The following PTPN4 variants were observed in gnomAD, a reference collection of about 807,000 sequenced individuals.
The protein encoded by PTPN4 is tyrosine-protein phosphatase non-receptor type 4.
A neutral mutation model predicts 135.5 loss-of-function variants in PTPN4; 49 were observed. That is an observed-to-expected ratio of 0.36 (90% confidence interval 0.29 to 0.46). PTPN4 has a LOEUF of 0.46. Ranked by LOEUF, PTPN4 falls within the 20% of genes least tolerant of loss-of-function variation. PTPN4 has a pLI of 1.00. For missense variants in PTPN4, 860 were observed against 1,101.0 expected, an observed-to-expected ratio of 0.78 and a Z score of 3.10; for synonymous variants, 333 against 369.9, an observed-to-expected ratio of 0.90 and a Z score of 1.14.
At chr2:119,883,596 T>G (rs1678112250) in intron 8 of PTPN4, among the ~76,000 whole-genome samples, 2 of 152,188 alleles carry the variant, frequency 1.3e-5, no homozygotes, top group Admixed American at 1.3e-4. Flanking sequence ...AAGGCAGTGT[T>G]GCGTATTGGC....
chr2:119,825,495 CTT>C (rs891070534), intron 2 of PTPN4, among the ~76,000 whole-genome samples: 22 of 129,236 alleles, frequency 1.7e-4, no homozygotes, highest in Admixed American at 3.1e-4. Context: ...GAACCCAAGC[CTT>C]TTTTTTTTTT....
Position 119,915,172 on chromosome 2 carries a change from TG to T in PTPN4, c.765-6del. On this transcript the variant is annotated splice_region_variant and splice_polypyrimidine_tract_variant and intron_variant, in intron 10 of 26. Transcript: ENST00000263708. ...ATACTTTGAATAATTTATTGTCTTTTGTCCAGGTTGAAGATTGTAAAAATTT... is the reference window on the plus strand; with the variant it reads ...ATACTTTGAATAATTTATTGTCTTTTTCCAGGTTGAAGATTGTAAAAATTT... 1 of 1,524,454 alleles carries T rather than the reference TG, an allele frequency of 6.6e-7. No individual in the cohort carries two copies. The highest frequency in any genetic ancestry group is 8.8e-7 in the Non-Finnish European group (1 of 1,136,774). The allele number at this position is 1,524,454 out of a possible 1,614,324, so 94.4% of individuals were successfully genotyped here. A position where few individuals can be genotyped will look rare whatever the true frequency, so the allele number is the denominator to read the frequency against.
intron 1 of PTPN4, among the ~76,000 whole-genome samples, chr2:119,765,294 G>A (rs764570132): frequency 1.1e-4 from 17 of 152,114 alleles, no homozygotes; most frequent in Non-Finnish European, 1.3e-4. Flanking sequence ...TAATTTAAGT[G>A]ATTAGTTAAA....
At chr2:119,827,883 T>C (rs1452018445) in intron 2 of PTPN4, among the ~76,000 whole-genome samples, 2 of 152,214 alleles carry the variant, frequency 1.3e-5, no homozygotes, top group Non-Finnish European at 2.9e-5. Flanking sequence ...TAATACTTCA[T>C]TTATGGTAGC....
chr2:119,809,825 T>G lies in PTPN4; in HGVS notation c.-17-12T>G. On this transcript the variant is annotated splice_polypyrimidine_tract_variant and intron_variant, in intron 1 of 26. Transcript: ENST00000263708. ...ACCTTTTATTTAGTGAATTTTTTTT[T>G]TTTTAACTTAGACTTTGTGTGGACA... 2 of 1,556,368 alleles carry G rather than the reference T, an allele frequency of 1.3e-6. No individual in the cohort carries two copies. Among genetic ancestry groups the G allele is most frequent in the Non-Finnish European group, 1.7e-6 (2 of 1,156,872 alleles).
chr2:119,777,284 T>C (rs950903246), intron 1 of PTPN4, among the ~76,000 whole-genome samples: 3 of 152,206 alleles, frequency 2.0e-5, no homozygotes, highest in Non-Finnish European at 4.4e-5. Context: ...CTCTTTTACT[T>C]TTTAAGTCTC....
chr2:119,862,424 A>C (rs1023791916), intron 2 of PTPN4, 112 bp from the exon 3 acceptor site: 1 of 877,392 alleles, frequency 1.1e-6, no homozygotes, highest in Non-Finnish European at 1.7e-6. Context: ...AACGTTTGCT[A>C]CCTCTGGCAT....
intron 9 of PTPN4, among the ~76,000 whole-genome samples, chr2:119,889,639 G>A (rs1464294655): frequency 1.3e-5 from 2 of 151,718 alleles, no homozygotes; most frequent in Non-Finnish European, 2.9e-5. Flanking sequence ...TCTGATCTTT[G>A]TTATTTCTGT....
intron 2 of PTPN4, among the ~76,000 whole-genome samples, chr2:119,825,903 A>G (rs1204276412): frequency 6.6e-6 from 1 of 152,236 alleles, no homozygotes; most frequent in African/African-American, 2.4e-5. Context: ...GAAAAGTGAC[A>G]CAAATTTAAA....
chr2:119,832,198 A>G (rs1039882775), intron 2 of PTPN4, among the ~76,000 whole-genome samples: 2 of 152,298 alleles, frequency 1.3e-5, no homozygotes, highest in Admixed American at 1.3e-4. Context: ...AGGTCTTACT[A>G]GGTAGGCTCC....
At chr2:119,896,365 T>C (rs572602190) in intron 9 of PTPN4, among the ~76,000 whole-genome samples, 2 of 152,356 alleles carry the variant, frequency 1.3e-5, no homozygotes, top group South Asian at 4.1e-4. Context: ...AGAATTTACC[T>C]GTAAAGCACT....
chr2:119,894,219 A>T (rs1229282026), intron 9 of PTPN4, among the ~76,000 whole-genome samples: 1 of 152,186 alleles, frequency 6.6e-6, no homozygotes, highest in Non-Finnish European at 1.5e-5. Flanking sequence ...GTATTTGAAG[A>T]CTTTTCGACA....
chr2:119,849,211 T>A (rs968244259), intron 2 of PTPN4, among the ~76,000 whole-genome samples: 1 of 152,224 alleles, frequency 6.6e-6, no homozygotes. Flanking sequence ...TCACGAGCAG[T>A]TCCTGTTACC....
At chr2:119,794,458 A>G (rs1691215505) in intron 1 of PTPN4, among the ~76,000 whole-genome samples, 1 of 152,224 alleles carries the variant, frequency 6.6e-6, no homozygotes, top group Non-Finnish European at 1.5e-5. Context: ...ACAGCCAGGC[A>G]TGCTGGCTGT....
rs953022617 is a variant in PTPN4 at position 119,984,186 on chromosome 2, T to C, written c.*7116T>C. On this transcript the variant is annotated 3_prime_UTR_variant, in exon 27 of 27. Coordinates refer to ENST00000263708, the MANE Select transcript of PTPN4 (RefSeq NM_002830.4). ...AAAAGCTACTCCTTATTCTCTACAG[T>C]GTAGGCTTAATTTTAGAACCGATAA... 1.3e-5 allele frequency among the ~76,000 whole-genome samples: 2 copies of C among 152,238 alleles called. No homozygotes were observed. Among genetic ancestry groups the C allele is most frequent in the Non-Finnish European group, 2.9e-5 (2 of 68,034 alleles).
chr2:119,822,046 CTT>C (rs1359506993), intron 2 of PTPN4, among the ~76,000 whole-genome samples: 1 of 151,980 alleles, frequency 6.6e-6, no homozygotes, highest in African/African-American at 2.4e-5. Flanking sequence ...ATATGACACT[CTT>C]TTGCTTTCCA....
intron 13 of PTPN4, among the ~76,000 whole-genome samples, chr2:119,928,671 A>T (rs7592284): frequency 0.73 from 111,318 of 151,730 alleles, 40,910 homozygotes; most frequent in East Asian, 0.82. Context: ...TGTATTTTTT[A>T]AAAAACGAAT....
chr2:119,810,692 C>CT (rs1691560669), intron 2 of PTPN4, among the ~76,000 whole-genome samples: 1 of 152,118 alleles, frequency 6.6e-6, no homozygotes, highest in Non-Finnish European at 1.5e-5. Context: ...TGTATTCTCC[C>CT]TTTTTATTTA....
intron 1 of PTPN4, among the ~76,000 whole-genome samples, chr2:119,766,258 TGTAA>T (rs1178112122): frequency 6.6e-6 from 1 of 152,240 alleles, no homozygotes; most frequent in African/African-American, 2.4e-5. Flanking sequence ...TTTTAGAGAC[TGTAA>T]GTATTAGAAA....
Sources: gnomAD v4.1 joint callset for allele counts (sites outside exome capture counted in the v4.1 genomes callset) on GRCh38, gnomAD v4.1.1 for gene constraint, MANE v1.5 for transcripts, NCBI Gene and HGNC (gene_info 2026-07-23, HGNC 2026-07-21) for gene names.